The following CRTC3 variants were observed in gnomAD, a reference collection of about 807,000 sequenced individuals.
CRTC3 encodes the protein CREB regulated transcription coactivator 3.
In CRTC3, 26 loss-of-function variants were observed where a neutral mutation model predicts 74.5. The ratio of observed to expected loss-of-function variants is 0.35; its 90% CI spans 0.26 to 0.48. The LOEUF is 0.48. CRTC3 is among the 20% of genes least tolerant of loss of function. The probability of loss-of-function intolerance (pLI) is 0.99; values close to 1 mark genes in which losing one functional copy is unlikely to be tolerated. For missense variants in CRTC3, 760 were observed against 787.3 expected, an observed-to-expected ratio of 0.97 and a Z score of 0.41; for synonymous variants, 377 against 325.8, an observed-to-expected ratio of 1.16 and a Z score of -1.69.
intron 2 of CRTC3, among the ~76,000 whole-genome samples, chr15:90,570,516 A>G (rs1567169388): frequency 6.6e-6 from 1 of 152,170 alleles, no homozygotes; most frequent in Non-Finnish European, 1.5e-5. Flanking sequence ...TTCTTCAGTA[A>G]TACATATGTT....
At chr15:90,566,001 A>T (rs1393991956) in intron 2 of CRTC3, among the ~76,000 whole-genome samples, 1 of 152,252 alleles carries the variant, frequency 6.6e-6, no homozygotes, top group Non-Finnish European at 1.5e-5. Flanking sequence ...CCAAGGTAGG[A>T]CAAATTCTTG....
At chr15:90,613,064 G>A (rs974969705) in intron 6 of CRTC3, among the ~76,000 whole-genome samples, 2 of 151,572 alleles carry the variant, frequency 1.3e-5, no homozygotes, top group African/African-American at 2.4e-5. Flanking sequence ...GCCGGGCCTG[G>A]TGGCACGCGC....
At chr15:90,627,273 G>C (rs1036970500) in intron 10 of CRTC3, among the ~76,000 whole-genome samples, 3 of 152,152 alleles carry the variant, frequency 2.0e-5, no homozygotes, top group Non-Finnish European at 4.4e-5. Flanking sequence ...AATAGTAGCA[G>C]GTTTTTCATC....
intron 6 of CRTC3, among the ~76,000 whole-genome samples, chr15:90,609,759 G>T (rs1255227108): frequency 6.6e-6 from 1 of 152,208 alleles, no homozygotes; most frequent in African/African-American, 2.4e-5. Context: ...GATGGAATAA[G>T]AAAAGCAAAG....
intron 14 of CRTC3, 146 bp downstream of exon 14, chr15:90,641,345 G>C: frequency 1.6e-6 from 1 of 628,384 alleles, no homozygotes; most frequent in Non-Finnish European, 2.8e-6. Context: ...AGATGCAGGT[G>C]TCCAGCCTCA....
intron 3 of CRTC3, among the ~76,000 whole-genome samples, chr15:90,596,690 G>C (rs1044725004): frequency 2.0e-5 from 3 of 152,184 alleles, no homozygotes; most frequent in African/African-American, 7.2e-5. Context: ...TGGAGGAGGA[G>C]GGCTGTGATT....
At chr15:90,618,425 C>T (rs1596129798) in intron 8 of CRTC3, among the ~76,000 whole-genome samples, 1 of 152,312 alleles carries the variant, frequency 6.6e-6, no homozygotes, top group African/African-American at 2.4e-5. Flanking sequence ...GACAAGTCAT[C>T]TGTTTTACTA....
intron 1 of CRTC3, among the ~76,000 whole-genome samples, chr15:90,531,267 T>C (rs1461751962): frequency 6.6e-6 from 1 of 152,160 alleles, no homozygotes; most frequent in Admixed American, 6.5e-5. Flanking sequence ...TATTTATATA[T>C]GTTAAAAATT....
chr15:90,535,514 G>A (rs542219248), intron 1 of CRTC3, among the ~76,000 whole-genome samples: 5 of 152,302 alleles, frequency 3.3e-5, no homozygotes, highest in African/African-American at 1.2e-4. Context: ...GGTGGGGAAT[G>A]GAGATAGGGT....
chr15:90,530,160 C>A lies in CRTC3; in HGVS notation c.89C>A (p.Thr30Lys). ...CACACGCAGAGACAGGCCGAGGAGACGCGGGCCTTCGAGCAGCTCATGACC... is the reference window on the plus strand; with the variant it reads ...CACACGCAGAGACAGGCCGAGGAGAAGCGGGCCTTCGAGCAGCTCATGACC... The part of the protein sequence containing the change: ...ALHTQRQAEE[T>K]RAFEQLMTDL... The change falls in exon 1 of 15, where the codon ACG becomes AAG. Residue 30 changes from threonine (T) to lysine (K), a missense_variant. Physicochemically the swap from Thr to Lys is moderately conservative, Grantham distance 78. Transcript: ENST00000268184. This position sits in a 1 kb window ranked among gnomAD's most constrained non-coding sequence, Gnocchi z 6.2. 1 of 1,432,856 alleles carries A rather than the reference C, an allele frequency of 7.0e-7. No homozygotes were observed. The highest frequency in any genetic ancestry group is 9.3e-7 in the Non-Finnish European group (1 of 1,076,300). The allele number at this position is 1,432,856 out of a possible 1,614,324, so 88.8% of individuals were successfully genotyped here. A position where few individuals can be genotyped will look rare whatever the true frequency, so the allele number is the denominator to read the frequency against.
intron 2 of CRTC3, among the ~76,000 whole-genome samples, chr15:90,553,095 G>C (rs991026832): frequency 3.9e-5 from 6 of 152,134 alleles, no homozygotes; most frequent in Admixed American, 3.9e-4. Context: ...ATTTTAGCAT[G>C]AATTATTTCC....
chr15:90,601,369 G>A (rs6496701), intron 3 of CRTC3, among the ~76,000 whole-genome samples: 3,921 of 152,126 alleles, frequency 0.026, 172 homozygotes, highest in African/African-American at 0.09. Flanking sequence ...ACCAGGAACC[G>A]CCGGGCGCAG....
intron 2 of CRTC3, among the ~76,000 whole-genome samples, chr15:90,554,345 G>C (rs1966872120): frequency 6.6e-6 from 1 of 152,020 alleles, no homozygotes; most frequent in Admixed American, 6.6e-5. Context: ...TGGAATTACA[G>C]GTGTGTGCCA....
chr15:90,530,313 C>G lies in CRTC3; in HGVS notation c.132+110C>G. On this transcript the variant is annotated intron_variant, in intron 1 of 14. Coordinates refer to ENST00000268184, the MANE Select transcript of CRTC3 (RefSeq NM_022769.5). This position sits in a 1 kb window ranked among gnomAD's most constrained non-coding sequence, Gnocchi z 6.2. ...CGATGGCGGGGCCGGGCGGGGGCCG[C>G]GCCCGGGAACCGGCGGCTGGGAGGG... 1.6e-6 allele frequency: 1 copy of G among 629,904 alleles called. No homozygotes were observed. The highest frequency in any genetic ancestry group is 2.0e-6 in the Non-Finnish European group (1 of 504,976). 39.0% of individuals were successfully genotyped at this position (629,904 alleles called of 1,614,324 possible). A position where few individuals can be genotyped will look rare whatever the true frequency, so the allele number is the denominator to read the frequency against.
chr15:90,605,436 C>A (rs1483349780), intron 5 of CRTC3, among the ~76,000 whole-genome samples: 1 of 152,184 alleles, frequency 6.6e-6, no homozygotes, highest in Non-Finnish European at 1.5e-5. Context: ...TGAAATGTCT[C>A]CAGCAGTTTA....
Position 90,621,640 on chromosome 15 carries a change from T to G in CRTC3, c.749+1850T>G, listed in dbSNP as rs145423421. The stretch of plus-strand genomic sequence containing the variant: ...GCCCAGCCTGTTTTGTTTTTAAAGA[T>G]AGATAGGGCCTTGCTATGTTGGCCA... On this transcript the variant is annotated intron_variant, in intron 9 of 14. Transcript: ENST00000268184. 6.0e-3 allele frequency among the ~76,000 whole-genome samples: 919 copies of G among 152,116 alleles called. 5 individuals are homozygous for G. Among genetic ancestry groups the G allele is most frequent in the African/African-American group, 0.02 (820 of 41,498 alleles).
intron 3 of CRTC3, chr15:90,595,568 A>G (rs1596109660): frequency 6.6e-6 from 1 of 152,044 alleles, no homozygotes; most frequent in African/African-American, 2.4e-5. Context: ...CTCAAAAAAA[A>G]AAAAAAAAAA....
intron 9 of CRTC3, among the ~76,000 whole-genome samples, chr15:90,622,346 C>T (rs977946538): frequency 6.6e-6 from 1 of 152,164 alleles, no homozygotes; most frequent in Non-Finnish European, 1.5e-5. Flanking sequence ...ACAGTGGTCA[C>T]ATTTTTTCCA....
intron 1 of CRTC3, among the ~76,000 whole-genome samples, chr15:90,532,196 C>T (rs575446805): frequency 1.3e-5 from 2 of 152,136 alleles, no homozygotes. Context: ...TTGGCTCCAC[C>T]GTGTTCATAA....
Sources: allele counts gnomAD v4.1 joint callset (sites outside exome capture counted in the v4.1 genomes callset), GRCh38; gene constraint gnomAD v4.1.1; non-coding constraint Gnocchi (gnomAD v3.1); transcripts MANE v1.5; gene names NCBI Gene and HGNC (gene_info 2026-07-23, HGNC 2026-07-21).